PCDHGA6: variants seen among roughly 807,000 people sequenced by gnomAD.
PCDHGA6 encodes the protein protocadherin gamma subfamily A, 6, also known as protocadherin gamma-A6.
A neutral mutation model predicts 60.6 loss-of-function variants in PCDHGA6; 41 were observed. The observed-to-expected ratio is 0.68, with a 90% CI of 0.53 to 0.88. The LOEUF (loss-of-function observed/expected upper bound fraction) is 0.88. PCDHGA6 is among the 40% of genes least tolerant of loss of function. PCDHGA6 has a pLI of 0.00. For synonymous variants in PCDHGA6, 594 were observed against 524.4 expected (o/e 1.13, Z -1.81); for missense variants, 1,312 against 1,203.0 (o/e 1.09, Z -1.34).
chr5:141,491,208 C>G lies in PCDHGA6; in HGVS notation c.2425-3599C>G. 6.2e-7 allele frequency: 1 copy of G among 1,614,204 alleles called. No individual in the cohort carries two copies. Among genetic ancestry groups the G allele is most frequent in the Non-Finnish European group, 8.5e-7 (1 of 1,180,026 alleles). ...TGAGGGACAATGGTGACCCTTCACTCTCCTCCACAGCCACAGTGCTGCTGG... is the reference window on the plus strand; with the variant it reads ...TGAGGGACAATGGTGACCCTTCACTGTCCTCCACAGCCACAGTGCTGCTGG... On this transcript the variant is annotated intron_variant, in intron 1 of 3. Coordinates refer to ENST00000517434, the MANE Select transcript of PCDHGA6 (RefSeq NM_018919.3). This position sits in a 1 kb window ranked among gnomAD's most constrained non-coding sequence, Gnocchi z 6.9.
intron 1 of PCDHGA6, chr5:141,398,763 G>C (rs767181565): frequency 3.7e-6 from 6 of 1,613,788 alleles, no homozygotes; most frequent in Non-Finnish European, 5.1e-6. Flanking sequence ...GTTTAGTCCT[G>C]ACTGCCTTGG....
intron 1 of PCDHGA6, chr5:141,385,590 CT>C: frequency 8.0e-7 from 1 of 1,252,846 alleles, no homozygotes; most frequent in Non-Finnish European, 1.0e-6. Flanking sequence ...ATGTTCCAAC[CT>C]ACTTTCTTAA....
intron 1 of PCDHGA6, among the ~76,000 whole-genome samples, chr5:141,380,254 G>T (rs572849105): frequency 6.6e-6 from 1 of 152,270 alleles, no homozygotes; most frequent in Non-Finnish European, 1.5e-5. Flanking sequence ...TGTCAAAGGG[G>T]AAGGAGTAAA....
chr5:141,483,869 G>A (rs2099587910), intron 1 of PCDHGA6, among the ~76,000 whole-genome samples: 1 of 152,126 alleles, frequency 6.6e-6, no homozygotes, highest in South Asian at 2.1e-4. Flanking sequence ...GTCCAGATCA[G>A]GATGGATTTT....
At chr5:141,399,348 C>G (rs1287526689) in intron 1 of PCDHGA6, 1 of 1,613,940 alleles carries the variant, frequency 6.2e-7, no homozygotes, top group Non-Finnish European at 8.5e-7. Flanking sequence ...GAACCCTAGA[C>G]CGAGAGCAAA....
intron 1 of PCDHGA6, among the ~76,000 whole-genome samples, chr5:141,461,824 T>C (rs958063237): frequency 1.3e-5 from 2 of 151,968 alleles, no homozygotes; most frequent in African/African-American, 4.8e-5. Flanking sequence ...CAGCTAATTT[T>C]TTTTTCTTTT....
rs769467027 is a variant in PCDHGA6, at chr5:141,477,255, A to G, written c.2425-17552A>G. On this transcript the variant is annotated intron_variant, in intron 1 of 3. Transcript: ENST00000517434. This position sits in a 1 kb window ranked among gnomAD's most constrained non-coding sequence, Gnocchi z 4.9. ...GCTTTGCTCAGTGTGACTGACCTGGATGCTGGCGAGAACGGGCTGGTGACC... is the reference window on the plus strand; with the variant it reads ...GCTTTGCTCAGTGTGACTGACCTGGGTGCTGGCGAGAACGGGCTGGTGACC... 1 of 1,614,146 alleles carries G rather than the reference A, an allele frequency of 6.2e-7. No individual in the cohort carries two copies. Among genetic ancestry groups the G allele is most frequent in the East Asian group, 2.2e-5 (1 of 44,874 alleles).
At chr5:141,427,461 G>A (rs1397917549) in intron 1 of PCDHGA6, 1 of 497,998 alleles carries the variant, frequency 2.0e-6, no homozygotes, top group Admixed American at 2.3e-5. Context: ...TTTTAGAATC[G>A]AATCTTCCGC....
At position 141,374,321 on chromosome 5, in the gene PCDHGA6, C is replaced by T. The variant is rs763545631; in HGVS notation, c.238C>T (p.Arg80Ter). Residue 80 changes from arginine (R) to a stop codon, truncating the protein, a stop_gained, in exon 1 of 4, where the codon CGA becomes TGA. Coordinates refer to ENST00000517434, the MANE Select transcript of PCDHGA6 (RefSeq NM_018919.3). LOFTEE classifies it high-confidence loss of function. Reference protein sequence around the residue: ...GRMQLFSLNPRNGSLVTAGRI... With the variant: ...GRMQLFSLNP Reference sequence around the variant, plus strand: ...GATGCAGCTTTTCTCTCTGAATCCGCGAAACGGCAGCTTGGTCACCGCGGG... The same window carrying T: ...GATGCAGCTTTTCTCTCTGAATCCGTGAAACGGCAGCTTGGTCACCGCGGG... 8.7e-6 allele frequency: 14 copies of T among 1,613,942 alleles called. No individual in the cohort carries two copies. The highest frequency in any genetic ancestry group is 5.1e-6 in the Non-Finnish European group (6 of 1,179,838).
chr5:141,404,497 T>C, intron 1 of PCDHGA6: 1 of 1,613,930 alleles, frequency 6.2e-7, no homozygotes, highest in Non-Finnish European at 8.5e-7. Context: ...GTGTGCTGTA[T>C]GCTCTGTGCT....
intron 1 of PCDHGA6, chr5:141,419,345 C>T (rs111954647): frequency 6.2e-6 from 10 of 1,613,858 alleles, no homozygotes; most frequent in African/African-American, 2.7e-5. Flanking sequence ...TGCCAGCGAC[C>T]TGGAGTCACG....
intron 1 of PCDHGA6, among the ~76,000 whole-genome samples, chr5:141,434,192 A>G (rs2097676888): frequency 6.6e-6 from 1 of 152,194 alleles, no homozygotes; most frequent in Non-Finnish European, 1.5e-5. Context: ...TGTAATTCCA[A>G]TGTACTTACT....
Position 141,491,886 on chromosome 5 carries a change from G to A in PCDHGA6, c.2425-2921G>A. On this transcript the variant is annotated intron_variant, in intron 1 of 3. Coordinates refer to ENST00000517434, the MANE Select transcript of PCDHGA6 (RefSeq NM_018919.3). The surrounding 1 kb of genome is among the most constrained non-coding windows in gnomAD (Gnocchi z 6.9). ...CCAGAGTGGCCGATTAAGGGATGGG[G>A]CTCCGAGCACCGGGGGTGGTGGCGA... 6.9e-7 allele frequency: 1 copy of A among 1,445,558 alleles called. No individual in the cohort carries two copies. Among genetic ancestry groups the A allele is most frequent in the Non-Finnish European group, 9.1e-7 (1 of 1,093,458 alleles). 89.5% of individuals were successfully genotyped at this position (1,445,558 alleles called of 1,614,324 possible). A position where few individuals can be genotyped will look rare whatever the true frequency, so the allele number is the denominator to read the frequency against.
chr5:141,505,711 A>C (rs372711957), intron 3 of PCDHGA6, among the ~76,000 whole-genome samples: 17 of 152,058 alleles, frequency 1.1e-4, no homozygotes, highest in Admixed American at 2.6e-4. Context: ...CAAGGAAAAG[A>C]CTCATGGAGG....
chr5:141,393,001 G>A (rs775192271), intron 1 of PCDHGA6: 1 of 1,613,908 alleles, frequency 6.2e-7, no homozygotes, highest in South Asian at 1.1e-5. Flanking sequence ...GCGAAGCACG[G>A]AGTCCGTATC....
At chr5:141,419,505 G>C in intron 1 of PCDHGA6, 1 of 1,612,324 alleles carries the variant, frequency 6.2e-7, no homozygotes, top group Non-Finnish European at 8.5e-7. Flanking sequence ...GTGAGCCTGC[G>C]CGTGTTGGTG....
chr5:141,399,497 TACCCGAAAACA>T, intron 1 of PCDHGA6: 2 of 1,614,030 alleles, frequency 1.2e-6, no homozygotes, highest in Non-Finnish European at 1.7e-6. Flanking sequence ...TTAGTCAGTG[TACCCGAAAACA>T]ACCCTCCTGG....
intron 1 of PCDHGA6, among the ~76,000 whole-genome samples, chr5:141,401,078 T>A (rs2094109579): frequency 6.6e-6 from 1 of 152,226 alleles, no homozygotes; most frequent in South Asian, 2.1e-4. Flanking sequence ...GTGCAGTGGC[T>A]CATGCCTGTA....
chr5:141,427,149 A>G (rs1303323489), intron 1 of PCDHGA6: 1 of 456,850 alleles, frequency 2.2e-6, no homozygotes, highest in Non-Finnish European at 4.4e-6. Context: ...TATTGGAAAT[A>G]TGTTTGTGCT....
Sources: gnomAD v4.1 joint callset for allele counts (sites outside exome capture counted in the v4.1 genomes callset) on GRCh38, gnomAD v4.1.1 for gene constraint, Gnocchi (gnomAD v3.1) non-coding constraint, MANE v1.5 for transcripts, NCBI Gene and HGNC (gene_info 2026-07-23, HGNC 2026-07-21) for gene names.